The following TSHR variants were observed in gnomAD, a reference collection of about 807,000 sequenced individuals.
TSHR encodes thyrotropin receptor.
TSHR carries 51 observed loss-of-function variants against 64.1 expected under a neutral mutation model. The ratio of observed to expected loss-of-function variants is 0.80; its 90% CI spans 0.64 to 1.01. TSHR has a LOEUF of 1.01. TSHR is among the 50% of genes least tolerant of loss of function. TSHR has a pLI of 0.00. For missense variants in TSHR, 877 were observed against 942.8 expected (o/e 0.93, Z 0.91); for synonymous variants, 361 against 361.9 (o/e 1.00, Z 0.03).
chr14:81,035,476 G>A (rs1430057373), intron 1 of TSHR, among the ~76,000 whole-genome samples: 1 of 152,162 alleles, frequency 6.6e-6, no homozygotes, highest in African/African-American at 2.4e-5. Flanking sequence ...CGAGCTGCTT[G>A]GCTTTTTCTT....
intron 1 of TSHR, chr14:80,983,706 C>T (rs1344646162): frequency 6.0e-6 from 3 of 497,032 alleles, no homozygotes; most frequent in Non-Finnish European, 7.1e-6. Flanking sequence ...TCCCAAAGAG[C>T]CTTGTATCAT....
intron 1 of TSHR, among the ~76,000 whole-genome samples, chr14:80,976,895 A>C (rs1050740828): frequency 1.3e-5 from 2 of 152,228 alleles, no homozygotes; most frequent in African/African-American, 4.8e-5. Flanking sequence ...ATTCTTCCTA[A>C]TTGGGATAAC....
At chr14:81,079,151 C>A (rs1053853324) in intron 3 of TSHR, among the ~76,000 whole-genome samples, 2 of 152,028 alleles carry the variant, frequency 1.3e-5, no homozygotes, top group Non-Finnish European at 2.9e-5. Context: ...GTAACTTCAG[C>A]GAGGATACTG....
intron 1 of TSHR, chr14:81,003,303 A>C (rs1889438402): frequency 6.6e-6 from 1 of 152,118 alleles, no homozygotes; most frequent in Non-Finnish European, 1.5e-5. Context: ...GAAAAATCTC[A>C]TCCAATTTAA....
chr14:81,035,031 G>C (rs1253046878), intron 1 of TSHR, among the ~76,000 whole-genome samples: 1 of 152,214 alleles, frequency 6.6e-6, no homozygotes, highest in East Asian at 1.9e-4. Flanking sequence ...AAAAAACAGG[G>C]AGGGTGCAAA....
intron 1 of TSHR, among the ~76,000 whole-genome samples, chr14:80,984,694 A>G (rs537429460): frequency 1.3e-5 from 2 of 152,266 alleles, no homozygotes; most frequent in East Asian, 1.9e-4. Flanking sequence ...CTTCCTCCAC[A>G]TGCATGTGTC....
chr14:81,126,666 T>C (rs902721989), intron 8 of TSHR, among the ~76,000 whole-genome samples: 3 of 152,226 alleles, frequency 2.0e-5, no homozygotes, highest in African/African-American at 7.2e-5. Context: ...CCTTGTAAAT[T>C]CTGAACCATT....
At chr14:81,012,494 T>C (rs1378298111) in intron 1 of TSHR, 19 of 150,082 alleles carry the variant, frequency 1.3e-4, no homozygotes, top group Admixed American at 7.9e-4. Flanking sequence ...TTTCTAGTTC[T>C]AGATCCCTGA....
At chr14:81,108,280 T>C (rs947197310) in intron 7 of TSHR, 95 bp from the exon 8 acceptor site, 38 of 1,055,388 alleles carry the variant, frequency 3.6e-5, no homozygotes, top group Non-Finnish European at 4.7e-5. Context: ...GTCAATACTA[T>C]GGTCACATTT....
chr14:81,081,927 TGAC>T (rs1277414898), intron 3 of TSHR, among the ~76,000 whole-genome samples: 2 of 152,028 alleles, frequency 1.3e-5, no homozygotes, highest in African/African-American at 4.8e-5. Context: ...AAAATCAAGG[TGAC>T]TGCCTTCCAT....
intron 3 of TSHR, among the ~76,000 whole-genome samples, chr14:81,075,623 C>G (rs1373308423): frequency 1.3e-5 from 2 of 149,956 alleles, no homozygotes; most frequent in Non-Finnish European, 3.0e-5. Flanking sequence ...TTAGGTATAT[C>G]TCCCAATGCT....
chr14:81,008,672 C>T (rs1889736755), intron 1 of TSHR, among the ~76,000 whole-genome samples: 1 of 152,138 alleles, frequency 6.6e-6, no homozygotes, highest in Admixed American at 6.6e-5. Flanking sequence ...TGTGAATTAT[C>T]CTTAAAATGT....
rs1218843316 is a variant in TSHR at position 81,138,937 on chromosome 14, G to GAATGCCACACT, written c.693-733_693-723dup. On this transcript the variant is annotated intron_variant, in intron 8 of 9. Transcript: ENST00000298171. ...TCTCTGGGATTCAGAAAAGAGCAGA[G>GAATGCCACACT]AATGCCACACTAATGCCACGAATTC... Among the ~76,000 whole-genome samples the GAATGCCACACT allele has an allele frequency of 9.2e-5, 14 of 152,286 alleles. 1 individual carries two copies. Among genetic ancestry groups the GAATGCCACACT allele is most frequent in the South Asian group, 4.1e-4 (2 of 4,830 alleles).
intron 8 of TSHR, among the ~76,000 whole-genome samples, chr14:81,121,543 A>C (rs7144061): frequency 0.31 from 46,565 of 152,110 alleles, 8,034 homozygotes; most frequent in East Asian, 0.53. Flanking sequence ...AGAAGCAAAT[A>C]GAATCCCCAG....
At chr14:81,034,960 A>T (rs781168822) in intron 1 of TSHR, among the ~76,000 whole-genome samples, 2 of 152,214 alleles carry the variant, frequency 1.3e-5, no homozygotes, top group Non-Finnish European at 2.9e-5. Context: ...AAATAAAGTT[A>T]AGCAAACATA....
At chr14:81,058,831 T>C (rs927123562) in intron 1 of TSHR, among the ~76,000 whole-genome samples, 2 of 152,192 alleles carry the variant, frequency 1.3e-5, no homozygotes, top group Admixed American at 6.6e-5. Flanking sequence ...CTTGGTGTTT[T>C]TTCTTTCATT....
At chr14:81,033,620 T>TAAAAAAA (rs558393145) in intron 1 of TSHR, among the ~76,000 whole-genome samples, 2 of 131,222 alleles carry the variant, frequency 1.5e-5, no homozygotes, top group Non-Finnish European at 3.2e-5. Flanking sequence ...GGTCTTTTTC[T>TAAAAAAA]AAAAAAAAAA....
intron 1 of TSHR, chr14:81,001,208 C>G (rs1453845605): frequency 6.1e-6 from 1 of 163,036 alleles, no homozygotes; most frequent in Non-Finnish European, 1.3e-5. Context: ...TTTGAGATAT[C>G]TTTTTTTTCC....
At chr14:80,959,552 C>T (rs1886908196) in intron 1 of TSHR, 1 of 152,180 alleles carries the variant, frequency 6.6e-6, no homozygotes, top group South Asian at 2.1e-4. Flanking sequence ...GATTCTTCCT[C>T]CAGAAAGTGC....
Sources: gnomAD v4.1 joint callset for allele counts (sites outside exome capture counted in the v4.1 genomes callset) on GRCh38, gnomAD v4.1.1 for gene constraint, MANE v1.5 for transcripts, NCBI Gene and HGNC (gene_info 2026-07-23, HGNC 2026-07-21) for gene names.